RNGTT: variants seen among roughly 807,000 people sequenced by gnomAD.
RNGTT encodes the protein mRNA-capping enzyme.
A neutral mutation model predicts 79.3 loss-of-function variants in RNGTT; 33 were observed. That is an observed-to-expected ratio of 0.42 (90% CI 0.32 to 0.56). RNGTT has a LOEUF of 0.56. Ranked by LOEUF, RNGTT falls within the 20% of genes least tolerant of loss-of-function variation. The pLI, the probability that RNGTT is intolerant of heterozygous loss-of-function variation, is 0.17. For synonymous variants in RNGTT, 222 were observed against 235.9 expected (o/e 0.94, Z 0.54); for missense variants, 497 against 739.1 (o/e 0.67, Z 3.80).
intron 2 of RNGTT, among the ~76,000 whole-genome samples, chr6:88,929,972 ATGCATATG>A (rs1216050402): frequency 5.3e-5 from 8 of 149,928 alleles, no homozygotes; most frequent in Admixed American, 4.0e-4. Context: ...ATATGTATAC[ATGCATATG>A]TGCATATACA....
intron 13 of RNGTT, among the ~76,000 whole-genome samples, chr6:88,769,552 A>G (rs1238021236): frequency 6.6e-6 from 1 of 152,158 alleles, no homozygotes; most frequent in Non-Finnish European, 1.5e-5. Flanking sequence ...AAGATCAGTA[A>G]ACTTTAAAGG....
intron 8 of RNGTT, among the ~76,000 whole-genome samples, chr6:88,887,417 T>C (rs771383351): frequency 5.3e-5 from 8 of 152,184 alleles, no homozygotes; most frequent in Non-Finnish European, 5.9e-5. Context: ...CCCTCTTCCA[T>C]GCTACTGTAC....
chr6:88,712,436 G>A (rs1776350105), intron 13 of RNGTT, among the ~76,000 whole-genome samples: 1 of 152,148 alleles, frequency 6.6e-6, no homozygotes, highest in African/African-American at 2.4e-5. Context: ...CTTCCAAGTA[G>A]CTAGGACTAC....
rs547694694 is a variant in RNGTT at position 88,735,942 on chromosome 6, C to T, written c.1439+33832G>A. ...TTGATAAATCTCTAGCCAGACTAAT[C>T]AAGAAGAAAAAAACAGAAGGCATAC... On this transcript the variant is annotated intron_variant, in intron 13 of 15. Coordinates refer to ENST00000369485, the MANE Select transcript of RNGTT (RefSeq NM_003800.5). Among the ~76,000 whole-genome samples, 19 of 151,838 alleles carry T rather than the reference C, an allele frequency of 1.3e-4. No homozygotes were observed. In the East Asian group the frequency reaches 2.3e-3, roughly 19 times the overall value.
At chr6:88,646,311 T>C (rs1773556286) in intron 14 of RNGTT, among the ~76,000 whole-genome samples, 3 of 152,196 alleles carry the variant, frequency 2.0e-5, no homozygotes, top group Non-Finnish European at 2.9e-5. Flanking sequence ...TCACACCAGT[T>C]AGAATGGCGA....
intron 8 of RNGTT, among the ~76,000 whole-genome samples, chr6:88,879,620 C>T (rs963613537): frequency 1.3e-5 from 2 of 152,150 alleles, no homozygotes; most frequent in Admixed American, 6.5e-5. Flanking sequence ...CAAATGTATA[C>T]ATTTAGTAAA....
At chr6:88,792,646 G>T (rs1174088796) in intron 12 of RNGTT, among the ~76,000 whole-genome samples, 1 of 152,010 alleles carries the variant, frequency 6.6e-6, no homozygotes, top group Non-Finnish European at 1.5e-5. Flanking sequence ...CTCTGCATAA[G>T]AGCTAAGTAC....
chr6:88,816,261 G>A (rs1780310978), intron 11 of RNGTT, among the ~76,000 whole-genome samples: 1 of 152,034 alleles, frequency 6.6e-6, no homozygotes, highest in Non-Finnish European at 1.5e-5. Context: ...AGTTCTATTA[G>A]TTATCTTCCA....
At chr6:88,786,413 C>G (rs951984696) in intron 12 of RNGTT, among the ~76,000 whole-genome samples, 2 of 152,080 alleles carry the variant, frequency 1.3e-5, no homozygotes, top group Non-Finnish European at 2.9e-5. Flanking sequence ...TGAATACCTG[C>G]ATATTAAAAT....
intron 14 of RNGTT, among the ~76,000 whole-genome samples, chr6:88,654,643 G>A (rs570731647): frequency 5.3e-5 from 8 of 151,888 alleles, no homozygotes; most frequent in Non-Finnish European, 1.2e-4. Context: ...CCCCTCCAAA[G>A]ACATTCTGAG....
At chr6:88,854,378 A>G (rs1265160020) in intron 8 of RNGTT, among the ~76,000 whole-genome samples, 1 of 152,188 alleles carries the variant, frequency 6.6e-6, no homozygotes, top group African/African-American at 2.4e-5. Flanking sequence ...TTTTTATGAG[A>G]TCTTAAACAT....
chr6:88,796,162 T>C (rs1779594618), intron 12 of RNGTT, among the ~76,000 whole-genome samples: 1 of 152,160 alleles, frequency 6.6e-6, no homozygotes. Flanking sequence ...AATGTTGAAA[T>C]GATAATACTT....
intron 4 of RNGTT, among the ~76,000 whole-genome samples, chr6:88,921,144 T>C (rs1216803225): frequency 2.0e-5 from 3 of 152,192 alleles, no homozygotes; most frequent in Non-Finnish European, 2.9e-5. Flanking sequence ...TTTCATTTAT[T>C]TTTAGTTTCA....
chr6:88,771,350 T>TATATATATATATACAC (rs376503141), intron 12 of RNGTT, among the ~76,000 whole-genome samples: 1 of 116,256 alleles, frequency 8.6e-6, no homozygotes, highest in African/African-American at 3.9e-5. Flanking sequence ...TATATATATA[T>TATATATATATATACAC]ACACACACAC....
At chr6:88,841,011 T>C (rs943843096) in intron 11 of RNGTT, among the ~76,000 whole-genome samples, 1 of 152,220 alleles carries the variant, frequency 6.6e-6, no homozygotes, top group South Asian at 2.1e-4. Context: ...AATCTGGCTT[T>C]TGCCCAACTT....
chr6:88,918,887 T>C (rs1401038178), intron 4 of RNGTT, among the ~76,000 whole-genome samples: 1 of 152,202 alleles, frequency 6.6e-6, no homozygotes, highest in Non-Finnish European at 1.5e-5. Context: ...CAATTTTTAC[T>C]CTTGCAAGAT....
chr6:88,821,111 G>T (rs1562269548), intron 11 of RNGTT, among the ~76,000 whole-genome samples: 1 of 152,000 alleles, frequency 6.6e-6, no homozygotes, highest in African/African-American at 2.4e-5. Context: ...ACAGACAAAT[G>T]GATCAGTGGA....
intron 13 of RNGTT, among the ~76,000 whole-genome samples, chr6:88,751,865 C>G (rs1350990985): frequency 6.6e-6 from 1 of 151,908 alleles, no homozygotes; most frequent in Non-Finnish European, 1.5e-5. Flanking sequence ...CAAAATCAAC[C>G]ACTAGCTCCA....
chr6:88,768,446 A>ATACC (rs1205457953), intron 13 of RNGTT, among the ~76,000 whole-genome samples: 1 of 152,178 alleles, frequency 6.6e-6, no homozygotes, highest in Non-Finnish European at 1.5e-5. Context: ...TTGAAAACGA[A>ATACC]TACCCACATG....
Sources: allele counts gnomAD v4.1 joint callset (sites outside exome capture counted in the v4.1 genomes callset), GRCh38; gene constraint gnomAD v4.1.1; transcripts MANE v1.5; gene names NCBI Gene and HGNC (gene_info 2026-07-23, HGNC 2026-07-21).